RPTOR: variants seen among roughly 807,000 people sequenced by gnomAD.
The protein encoded by RPTOR is regulatory-associated protein of mTOR.
Under a neutral mutation model 169.9 loss-of-function variants are expected in RPTOR, and 21 were observed. That is an observed-to-expected ratio of 0.12 (90% CI 0.09 to 0.18). The LOEUF is 0.18. Ranked by LOEUF, RPTOR falls within the 10% of genes least tolerant of loss-of-function variation. The pLI, the probability that RPTOR is intolerant of heterozygous loss-of-function variation, is 1.00. For missense variants in RPTOR, 1,133 were observed against 1,855.9 expected (o/e 0.61, Z 7.16); for synonymous variants, 732 against 753.2 (o/e 0.97, Z 0.46).
At chr17:80,833,011 G>T (rs1023623358) in intron 9 of RPTOR, among the ~76,000 whole-genome samples, 3 of 152,200 alleles carry the variant, frequency 2.0e-5, no homozygotes, top group Non-Finnish European at 4.4e-5. Flanking sequence ...AATGTTTGAT[G>T]CAAAGTCACC....
At chr17:80,822,359 C>T (rs563135590) in intron 8 of RPTOR, 58 bp downstream of exon 8, 26 of 1,518,316 alleles carry the variant, frequency 1.7e-5, no homozygotes, top group South Asian at 4.5e-5. Context: ...CGCGGGGAGC[C>T]GACTCTCGGA....
At chr17:80,757,055 A>G (rs2066687670) in intron 6 of RPTOR, among the ~76,000 whole-genome samples, 1 of 152,182 alleles carries the variant, frequency 6.6e-6, no homozygotes, top group African/African-American at 2.4e-5. Context: ...CTGGAAGACT[A>G]CAGTGGGGGC....
At chr17:80,769,159 T>C (rs2066817209) in intron 6 of RPTOR, among the ~76,000 whole-genome samples, 1 of 152,164 alleles carries the variant, frequency 6.6e-6, no homozygotes, top group Non-Finnish European at 1.5e-5. Context: ...TGGCATGGTG[T>C]CCCACGCCAG....
At chr17:80,568,835 A>G (rs2064873006) in intron 1 of RPTOR, among the ~76,000 whole-genome samples, 1 of 151,994 alleles carries the variant, frequency 6.6e-6, no homozygotes, top group Admixed American at 6.6e-5. Flanking sequence ...ATAGTATCTA[A>G]CATGCTCTTT....
At chr17:80,561,263 G>GTATGTATATATATATATATATATATA (rs2084488080) in intron 1 of RPTOR, among the ~76,000 whole-genome samples, 1 of 19,610 alleles carries the variant, frequency 5.1e-5, no homozygotes. Flanking sequence ...ATATATATAT[G>GTATGTATATATATATATATATATATA]TATATATATA....
intron 1 of RPTOR, among the ~76,000 whole-genome samples, chr17:80,549,667 C>T (rs1568298242): frequency 6.6e-6 from 1 of 152,180 alleles, no homozygotes; most frequent in Non-Finnish European, 1.5e-5. Flanking sequence ...GGAAAGTGGA[C>T]AGTGGGGATA....
intron 11 of RPTOR, among the ~76,000 whole-genome samples, chr17:80,854,450 G>A (rs1345194527): frequency 6.6e-6 from 1 of 152,246 alleles, no homozygotes; most frequent in Non-Finnish European, 1.5e-5. Flanking sequence ...CGTCGAGAGT[G>A]TGAGTGGGTT....
At chr17:80,654,237 C>G (rs2065662919) in intron 3 of RPTOR, among the ~76,000 whole-genome samples, 1 of 152,224 alleles carries the variant, frequency 6.6e-6, no homozygotes, top group East Asian at 1.9e-4. Flanking sequence ...GTCTTAAACA[C>G]AGAAAACTGG....
chr17:80,600,300 A>G (rs2065176066), intron 1 of RPTOR, among the ~76,000 whole-genome samples: 1 of 152,220 alleles, frequency 6.6e-6, no homozygotes, highest in Non-Finnish European at 1.5e-5. Flanking sequence ...TTTTAAAGAA[A>G]TTATGTGTCT....
At chr17:80,759,568 A>G (rs975204955) in intron 6 of RPTOR, among the ~76,000 whole-genome samples, 1 of 152,160 alleles carries the variant, frequency 6.6e-6, no homozygotes, top group African/African-American at 2.4e-5. Context: ...TAGGTTGAAC[A>G]TGACATTTTG....
At chr17:80,906,199 C>T (rs1379649386) in intron 20 of RPTOR, among the ~76,000 whole-genome samples, 16 of 151,930 alleles carry the variant, frequency 1.1e-4, no homozygotes, top group Non-Finnish European at 2.1e-4. Flanking sequence ...TCTCCTAGCC[C>T]ACCCACCCAC....
intron 6 of RPTOR, among the ~76,000 whole-genome samples, chr17:80,782,955 G>A (rs1241939116): frequency 6.6e-6 from 1 of 152,194 alleles, no homozygotes; most frequent in African/African-American, 2.4e-5. Context: ...GCTCCTCCAG[G>A]GCAAGGCACA....
At chr17:80,712,599 T>C (rs1022288466) in intron 4 of RPTOR, among the ~76,000 whole-genome samples, 1 of 152,230 alleles carries the variant, frequency 6.6e-6, no homozygotes. Context: ...TACTCTGAAC[T>C]TCTGACAATT....
intron 21 of RPTOR, among the ~76,000 whole-genome samples, chr17:80,917,708 G>T (rs974502069): frequency 1.3e-5 from 2 of 152,146 alleles, no homozygotes; most frequent in African/African-American, 4.8e-5. Flanking sequence ...CTCGTCAAAT[G>T]GCATTTCCTT....
chr17:80,587,210 C>T (rs541428240), intron 1 of RPTOR, among the ~76,000 whole-genome samples: 7 of 152,246 alleles, frequency 4.6e-5, no homozygotes, highest in Non-Finnish European at 7.3e-5. Context: ...TTGCCTTTTT[C>T]TTTTCTCACA....
intron 6 of RPTOR, among the ~76,000 whole-genome samples, chr17:80,772,529 C>G (rs1326752822): frequency 2.8e-5 from 4 of 143,708 alleles, no homozygotes; most frequent in African/African-American, 7.9e-5. Context: ...CCCCTCCCCC[C>G]CACATGCCTG....
At chr17:80,594,157 G>A (rs1191292033) in intron 1 of RPTOR, among the ~76,000 whole-genome samples, 4 of 151,810 alleles carry the variant, frequency 2.6e-5, no homozygotes, top group Non-Finnish European at 5.9e-5. Context: ...GCAGTGGTGC[G>A]ATCTCGGCTC....
intron 6 of RPTOR, among the ~76,000 whole-genome samples, chr17:80,785,690 C>T (rs894335391): frequency 5.3e-5 from 8 of 149,994 alleles, no homozygotes; most frequent in African/African-American, 2.0e-4. Context: ...CCCCCGGCCC[C>T]TTGACTCTGA....
intron 3 of RPTOR, among the ~76,000 whole-genome samples, chr17:80,681,143 C>A (rs565547670): frequency 1.9e-4 from 29 of 152,280 alleles, no homozygotes; most frequent in African/African-American, 6.7e-4. Flanking sequence ...CTCTTTAGCA[C>A]CTGCCACGTG....
Sources: gnomAD v4.1 joint callset for allele counts (sites outside exome capture counted in the v4.1 genomes callset) on GRCh38, gnomAD v4.1.1 for gene constraint, MANE v1.5 for transcripts, NCBI Gene and HGNC (gene_info 2026-07-23, HGNC 2026-07-21) for gene names.